Variants in GSE1 observed in about 807,000 individuals in gnomAD.
GSE1 encodes the protein genetic suppressor element 1.
In GSE1, 32 loss-of-function variants were observed where a neutral mutation model predicts 112.6. The observed-to-expected ratio is 0.28, with a 90% CI of 0.21 to 0.38. The LOEUF (loss-of-function observed/expected upper bound fraction) is 0.38, where lower values mean the gene tolerates loss of function less well. GSE1 is among the 10% of genes least tolerant of loss of function. The probability of loss-of-function intolerance (pLI) is 1.00; values close to 1 mark genes in which losing one functional copy is unlikely to be tolerated. For missense variants in GSE1, 2,348 were observed against 1,699.2 expected (o/e 1.38, Z -6.71); for synonymous variants, 1,115 against 735.6 (o/e 1.52, Z -8.35).
At chr16:85,222,008 A>C (rs2075402603) in intron 1 of GSE1, among the ~76,000 whole-genome samples, 1 of 152,108 alleles carries the variant, frequency 6.6e-6, no homozygotes, top group Non-Finnish European at 1.5e-5. Context: ...GGCCCACAGC[A>C]GCCTGGTATC....
intron 1 of GSE1, among the ~76,000 whole-genome samples, chr16:85,246,398 G>A (rs187384208): frequency 4.9e-5 from 2 of 40,542 alleles, no homozygotes; most frequent in African/African-American, 1.3e-4. Context: ...CACCCCACAC[G>A]CTGTCTACAC....
chr16:85,529,861 C>G (rs1356537829), intron 2 of GSE1, among the ~76,000 whole-genome samples: 1 of 152,220 alleles, frequency 6.6e-6, no homozygotes, highest in Non-Finnish European at 1.5e-5. Flanking sequence ...AGCCACGAAA[C>G]ACCTCTGTCC....
At chr16:85,343,960 C>G (rs547480036) in intron 1 of GSE1, among the ~76,000 whole-genome samples, 1 of 152,318 alleles carries the variant, frequency 6.6e-6, no homozygotes, top group Admixed American at 6.5e-5. Flanking sequence ...AGTCCCGTCT[C>G]AGGGCCTTTG....
intron 3 of GSE1, among the ~76,000 whole-genome samples, chr16:85,651,033 C>T (rs1467090580): frequency 8.0e-6 from 1 of 125,296 alleles, no homozygotes; most frequent in Non-Finnish European, 1.7e-5. Context: ...TTTGCTCCTC[C>T]CCCTCCCCCT....
intron 1 of GSE1, among the ~76,000 whole-genome samples, chr16:85,620,583 T>C (rs1567663842): frequency 6.6e-6 from 1 of 152,234 alleles, no homozygotes; most frequent in Non-Finnish European, 1.5e-5. Flanking sequence ...CACGCGGTCG[T>C]CTCTGCCGCC....
intron 2 of GSE1, among the ~76,000 whole-genome samples, chr16:85,647,148 C>T (rs2050940177): frequency 6.6e-6 from 1 of 152,202 alleles, no homozygotes; most frequent in Non-Finnish European, 1.5e-5. Flanking sequence ...CCTGCCGCAC[C>T]TGCAGATGGG....
In GSE1 at chr16:85,170,917, A is replaced by C. The variant is rs530401277; in HGVS notation, c.1393A>C (p.Arg465=). Reference sequence around the variant, plus strand: ...CCCCGGCATGGCCTCTAAGGGCAGGAGGCTCCCGAGGGAAGAGGGCCTGCC... The same window carrying C: ...CCCCGGCATGGCCTCTAAGGGCAGGCGGCTCCCGAGGGAAGAGGGCCTGCC... Residue 465 remains arginine (R), a synonymous_variant, in exon 1 of 3, where the codon AGG becomes CGG. Transcript: ENST00000637419. 48 of 985,512 alleles carry C rather than the reference A, an allele frequency of 4.9e-5. 1 individual carries two copies. In the South Asian group the frequency reaches 2.1e-3, roughly 42 times the overall value. 61.0% of individuals were successfully genotyped at this position (985,512 alleles called of 1,614,324 possible). A position where few individuals can be genotyped will look rare whatever the true frequency, so the allele number is the denominator to read the frequency against.
At position 85,666,341 on chromosome 16, in the gene GSE1, C is replaced by T. The variant is rs767111741; in HGVS notation, c.3124C>T (p.His1042Tyr). The T allele has an allele frequency of 3.2e-5, 51 of 1,613,528 alleles. No individual in the cohort carries two copies. In the South Asian group the frequency reaches 4.5e-4, roughly 14 times the overall value. The change falls in exon 13 of 16, where the codon CAT becomes TAT. Residue 1042 changes from histidine to tyrosine, a missense_variant. His to Tyr is a moderately conservative substitution (Grantham distance 83, BLOSUM62 2). Coordinates refer to ENST00000253458, the MANE Select transcript of GSE1 (RefSeq NM_014615.5). ...LQSTQKALQK[H>Y]KGSVAVLSAE... ...GTCCACCCAGAAGGCCCTGCAGAAGCATAAAGGTAATGAGGCTGCCAGTCC... is the reference window on the plus strand; with the variant it reads ...GTCCACCCAGAAGGCCCTGCAGAAGTATAAAGGTAATGAGGCTGCCAGTCC...
intron 1 of GSE1, among the ~76,000 whole-genome samples, chr16:85,182,217 T>G (rs1256833100): frequency 1.3e-5 from 2 of 151,138 alleles, no homozygotes; most frequent in African/African-American, 4.9e-5. Context: ...GGGGAGGAGG[T>G]GCCATCGTGG....
intron 2 of GSE1, among the ~76,000 whole-genome samples, chr16:85,493,107 G>A (rs1254607102): frequency 6.6e-6 from 1 of 152,170 alleles, no homozygotes; most frequent in African/African-American, 2.4e-5. Context: ...GAAGGGAGCT[G>A]GTGAGCCCTG....
At chr16:85,352,539 G>A (rs2046871513) in intron 1 of GSE1, among the ~76,000 whole-genome samples, 1 of 152,154 alleles carries the variant, frequency 6.6e-6, no homozygotes, top group Admixed American at 6.5e-5. Context: ...CAGACCCACT[G>A]TGGGCTTGGA....
chr16:85,410,350 G>A (rs1396451470), intron 2 of GSE1, among the ~76,000 whole-genome samples: 2 of 53,176 alleles, frequency 3.8e-5, no homozygotes, highest in South Asian at 8.2e-4. Flanking sequence ...AATCCTCACT[G>A]TTACACTCAG....
chr16:85,643,720 C>T (rs552384867), intron 2 of GSE1, among the ~76,000 whole-genome samples: 1 of 152,278 alleles, frequency 6.6e-6, no homozygotes, highest in African/African-American at 2.4e-5. Context: ...ACAGAGAAGT[C>T]TCTGAGGTTC....
chr16:85,307,703 C>T (rs935117222), intron 1 of GSE1, among the ~76,000 whole-genome samples: 3 of 152,334 alleles, frequency 2.0e-5, no homozygotes, highest in Non-Finnish European at 2.9e-5. Context: ...CACCATGTGA[C>T]TGACCTTAAC....
At chr16:85,236,440 G>T (rs1425139342) in intron 1 of GSE1, among the ~76,000 whole-genome samples, 2 of 152,234 alleles carry the variant, frequency 1.3e-5, no homozygotes, top group African/African-American at 4.8e-5. Flanking sequence ...GAGACTTGGG[G>T]TCCCACTGGG....
chr16:85,537,242 G>A (rs2044361416), intron 2 of GSE1, among the ~76,000 whole-genome samples: 1 of 152,218 alleles, frequency 6.6e-6, no homozygotes, highest in Non-Finnish European at 1.5e-5. Flanking sequence ...CTGTCCCCAT[G>A]ACAACAGACC....
chr16:85,230,858 G>A (rs1904277550), intron 1 of GSE1, among the ~76,000 whole-genome samples: 1 of 152,180 alleles, frequency 6.6e-6, no homozygotes, highest in African/African-American at 2.4e-5. Context: ...TGGATGGATG[G>A]ATGGATGGAT....
intron 1 of GSE1, among the ~76,000 whole-genome samples, chr16:85,331,718 T>A (rs1218164973): frequency 1.2e-4 from 17 of 141,458 alleles, no homozygotes; most frequent in African/African-American, 4.2e-4. Flanking sequence ...TTTTTTTTTT[T>A]TTTTTTTTTA....
At chr16:85,483,768 C>T (rs1242665889) in intron 2 of GSE1, among the ~76,000 whole-genome samples, 2 of 152,372 alleles carry the variant, frequency 1.3e-5, no homozygotes, top group Non-Finnish European at 2.9e-5. Context: ...TGCTTGCCGC[C>T]GGGATGCTGC....
Sources: gnomAD v4.1 joint callset for allele counts (sites outside exome capture counted in the v4.1 genomes callset) on GRCh38, gnomAD v4.1.1 for gene constraint, MANE v1.5 for transcripts, NCBI Gene and HGNC (gene_info 2026-07-23, HGNC 2026-07-21) for gene names.